Variants in APC observed in about 807,000 individuals in gnomAD.
The protein encoded by APC is adenomatous polyposis coli protein.
Under a neutral mutation model 247.0 loss-of-function variants are expected in APC, and 72 were observed. That is an observed-to-expected ratio of 0.29 (90% CI 0.24 to 0.35). The LOEUF (loss-of-function observed/expected upper bound fraction) is 0.35, where lower values mean the gene tolerates loss of function less well. APC is among the 10% of genes least tolerant of loss of function. The pLI is 1.00. For synonymous variants in APC, 1,254 were observed against 1,162.5 expected (o/e 1.08, Z -1.60); for missense variants, 3,400 against 3,360.7 (o/e 1.01, Z -0.29).
Position 112,838,090 on chromosome 5 carries a change from C to A in APC, c.2496C>A (p.Pro832=), listed in dbSNP as rs2149870996. ...CATATTTGAATACTACAGTGTTACC[C>A]AGCTCCTCTTCATCAAGAGGAAGCT... ...LSPYLNTTVL[P]SSSSSRGSLD... is the part of the protein sequence containing the mutation. The change falls in exon 16 of 16, where the codon CCC becomes CCA. Residue 832 remains proline, a synonymous_variant. Coordinates refer to ENST00000257430, the MANE Select transcript of APC (RefSeq NM_000038.6). The A allele has an allele frequency of 6.2e-7, 1 of 1,614,170 alleles. No individual in the cohort carries two copies. The highest frequency in any genetic ancestry group is 8.5e-7 in the Non-Finnish European group (1 of 1,180,028).
chr5:112,802,561 C>A (rs1201300540), intron 8 of APC, among the ~76,000 whole-genome samples: 1 of 152,110 alleles, frequency 6.6e-6, no homozygotes, highest in Non-Finnish European at 1.5e-5. Flanking sequence ...CTTACCTATC[C>A]AGTAAGCTGG....
chr5:112,759,424 C>CACCAGGCTGGAGTGCAG (rs1755400838), intron 2 of APC, among the ~76,000 whole-genome samples: 1 of 134,748 alleles, frequency 7.4e-6, no homozygotes, highest in Non-Finnish European at 1.5e-5. Context: ...GTGACATGAT[C>CACCAGGCTGGAGTGCAG]TTGGCTGTCT....
intron 4 of APC, among the ~76,000 whole-genome samples, chr5:112,773,261 A>G (rs567000414): frequency 8.5e-5 from 13 of 152,282 alleles, no homozygotes; most frequent in African/African-American, 2.4e-4. Flanking sequence ...ATTCATTCCC[A>G]TATTTCCTAA....
chr5:112,831,070 T>C (rs1366430615), intron 14 of APC, among the ~76,000 whole-genome samples: 1 of 152,200 alleles, frequency 6.6e-6, no homozygotes, highest in African/African-American at 2.4e-5. Flanking sequence ...TGCTAACTGG[T>C]TCATGACTTA....
intron 14 of APC, 103 bp from the exon 15 acceptor site, chr5:112,834,848 G>T (rs562951367): frequency 3.0e-4 from 311 of 1,042,406 alleles, no homozygotes; most frequent in Non-Finnish European, 3.5e-4. Flanking sequence ...ACGGGCAATA[G>T]GATAGATTAA....
intron 10 of APC, among the ~76,000 whole-genome samples, chr5:112,820,182 G>GACAC (rs111788809): frequency 0.024 from 3,507 of 143,374 alleles, 35 homozygotes; most frequent in African/African-American, 0.033. Flanking sequence ...GATAAGAACT[G>GACAC]ACACACACAC....
chr5:112,765,433 A>G (rs1240823250), intron 2 of APC, among the ~76,000 whole-genome samples: 1 of 152,190 alleles, frequency 6.6e-6, no homozygotes, highest in Non-Finnish European at 1.5e-5. Flanking sequence ...CTGTCAAGAT[A>G]AATCAGTGAA....
chr5:112,744,470 C>T (rs1202934550), intron 1 of APC, among the ~76,000 whole-genome samples: 3 of 152,116 alleles, frequency 2.0e-5, no homozygotes, highest in African/African-American at 7.2e-5. Flanking sequence ...ATTTATGCTC[C>T]AGCTGGGAAG....
intron 1 of APC, among the ~76,000 whole-genome samples, chr5:112,712,245 T>A (rs1161798713): frequency 8.1e-6 from 1 of 122,884 alleles, no homozygotes; most frequent in Non-Finnish European, 1.9e-5. Flanking sequence ...TGTGGGGCTG[T>A]TTCTTGGTTC....
intron 8 of APC, among the ~76,000 whole-genome samples, chr5:112,808,886 G>C (rs79030635): frequency 5.3e-5 from 8 of 152,178 alleles, no homozygotes; most frequent in African/African-American, 1.9e-4. Flanking sequence ...TGAGTGTTTA[G>C]GGGGAAGGAG....
chr5:112,772,825 T>C (rs1230102431), intron 4 of APC, among the ~76,000 whole-genome samples: 5 of 152,234 alleles, frequency 3.3e-5, no homozygotes, highest in Non-Finnish European at 5.9e-5. Context: ...CCCCAACTCT[T>C]ATTTCATAAG....
At chr5:112,817,599 C>A (rs1043843821) in intron 9 of APC, among the ~76,000 whole-genome samples, 1 of 152,144 alleles carries the variant, frequency 6.6e-6, no homozygotes, top group Non-Finnish European at 1.5e-5. Flanking sequence ...TAAAGAAAAT[C>A]TTGAATATTC....
rs201206901 is a variant in APC at position 112,844,158 on chromosome 5, A to G, written c.*32A>G. 1.9e-5 allele frequency: 30 copies of G among 1,571,820 alleles called. No homozygotes were observed. The highest frequency in any genetic ancestry group is 8.4e-5 in the Admixed American group (5 of 59,398). ...GGAAGAATGAAACTAAGAAAATTCT[A>G]TGTTAATTACAACTGCTATATAGAC... On this transcript the variant is annotated 3_prime_UTR_variant, in exon 16 of 16. Coordinates refer to ENST00000257430, the MANE Select transcript of APC (RefSeq NM_000038.6).
intron 8 of APC, among the ~76,000 whole-genome samples, chr5:112,809,351 AAAAAT>A (rs1277607579): frequency 6.6e-6 from 1 of 152,174 alleles, no homozygotes; most frequent in Non-Finnish European, 1.5e-5. Flanking sequence ...CCTGTCTCAA[AAAAAT>A]AAAATAAACA....
At chr5:112,734,033 G>A (rs551926142), upstream of APC, among the ~76,000 whole-genome samples, 25 of 152,296 alleles carry the variant, frequency 1.6e-4, no homozygotes, top group Admixed American at 1.3e-3. Context: ...AGAAGACTAT[G>A]AATATATCTC....
In APC at chr5:112,839,121, C is replaced by G. The variant is rs1765447551; in HGVS notation, c.3527C>G (p.Pro1176Arg). Residue 1176 changes from proline (P) to arginine (R), a missense_variant, in exon 16 of 16, where the codon CCT (proline) becomes CGT (arginine). Physicochemically the swap from Pro to Arg is moderately radical, Grantham distance 103. This residue lies in a region of APC where 715 missense variants were observed against 656.6 expected (regional missense o/e 1.09). Transcript: ENST00000257430. This position sits in a 1 kb window ranked among gnomAD's most constrained non-coding sequence, Gnocchi z 5.0. The stretch of plus-strand genomic sequence containing the variant: ...GAAGAGAAACGTCATGTGGATCAGC[C>G]TATTGATTATAGTTTAAAATATGCC... ...YNEEKRHVDQPIDYSLKYATD... is the reference protein window; with the variant it reads ...YNEEKRHVDQRIDYSLKYATD... The G allele has an allele frequency of 6.2e-7, 1 of 1,614,058 alleles. No individual in the cohort carries two copies. The highest frequency in any genetic ancestry group is 1.7e-5 in the Admixed American group (1 of 60,016).
intron 1 of APC, among the ~76,000 whole-genome samples, chr5:112,746,323 A>T (rs1753674049): frequency 6.6e-6 from 1 of 152,186 alleles, no homozygotes; most frequent in African/African-American, 2.4e-5. Context: ...TCTGATTTGA[A>T]TTCTAGCTGA....
intron 6 of APC, among the ~76,000 whole-genome samples, chr5:112,787,691 A>T (rs935865584): frequency 6.6e-6 from 1 of 152,128 alleles, no homozygotes; most frequent in Non-Finnish European, 1.5e-5. Context: ...CTTGATACCA[A>T]TCCTTTGTAG....
chr5:112,770,401 T>G (rs1017266994), intron 4 of APC, among the ~76,000 whole-genome samples: 1 of 152,214 alleles, frequency 6.6e-6, no homozygotes, highest in Non-Finnish European at 1.5e-5. Flanking sequence ...AAAATACATT[T>G]CTTTTTAAAA....
Sources: allele counts gnomAD v4.1 joint callset (sites outside exome capture counted in the v4.1 genomes callset), GRCh38; gene constraint gnomAD v4.1.1; regional missense constraint gnomAD v4.1.1; non-coding constraint Gnocchi (gnomAD v3.1); transcripts MANE v1.5; gene names NCBI Gene and HGNC (gene_info 2026-07-23, HGNC 2026-07-21).